SRSF11: variants seen among roughly 807,000 people sequenced by gnomAD.
SRSF11 encodes the protein serine and arginine rich splicing factor 11, also known as serine/arginine-rich splicing factor 11.
A neutral mutation model predicts 56.0 loss-of-function variants in SRSF11; 9 were observed. The observed-to-expected ratio is 0.16, with a 90% CI of 0.10 to 0.28. The LOEUF is 0.28. Among genes scored for constraint, SRSF11 ranks in the 10% least tolerant of loss-of-function variants. The pLI, the probability that SRSF11 is intolerant of heterozygous loss-of-function variation, is 1.00. For missense variants in SRSF11, 421 were observed against 600.7 expected, an observed-to-expected ratio of 0.70 and a Z score of 3.13; for synonymous variants, 222 against 215.3, an observed-to-expected ratio of 1.03 and a Z score of -0.27.
chr1:70,244,535 C>T (rs1289248924), intron 7 of SRSF11, 149 bp from the exon 8 acceptor site: 6 of 809,450 alleles, frequency 7.4e-6, no homozygotes, highest in Admixed American at 6.0e-5. Context: ...GGTGTTTGTT[C>T]TATGGGCTAA....
At chr1:70,244,646 A>G (rs762921162) in intron 7 of SRSF11, 38 bp from the exon 8 acceptor site, 2 of 1,592,076 alleles carry the variant, frequency 1.3e-6, no homozygotes, top group South Asian at 2.2e-5. Context: ...GTCTTTTTAC[A>G]TTTATACACA....
intron 1 of SRSF11, among the ~76,000 whole-genome samples, chr1:70,210,586 G>T (rs963241013): frequency 6.6e-6 from 1 of 152,176 alleles, no homozygotes; most frequent in Non-Finnish European, 1.5e-5. Flanking sequence ...GGTGTGGCAT[G>T]CACCTGTGAT....
At chr1:70,212,990 A>G (rs1262392414) in intron 1 of SRSF11, among the ~76,000 whole-genome samples, 2 of 152,122 alleles carry the variant, frequency 1.3e-5, no homozygotes, top group Admixed American at 6.6e-5. Flanking sequence ...ACTTGAACCC[A>G]TGAGTTTGAG....
At chr1:70,231,188 G>A (rs1672780397) in intron 2 of SRSF11, 1 of 1,285,766 alleles carries the variant, frequency 7.8e-7, no homozygotes, top group South Asian at 1.2e-5. Context: ...TTTCTCTTAA[G>A]TGCCCTGTAC....
Position 70,250,475 on chromosome 1 carries a change from G to A in SRSF11, c.1229G>A (p.Arg410Lys), listed in dbSNP as rs767597115. 4.4e-6 allele frequency: 7 copies of A among 1,605,472 alleles called. No individual in the cohort carries two copies. The highest frequency in any genetic ancestry group is 4.3e-6 in the Non-Finnish European group (5 of 1,172,676). The stretch of plus-strand genomic sequence containing the variant: ...AAAGATAAGGAAAAGGACCGGGAAA[G>A]AAAATCAGAGAGTGATAAAGATGTA... ...KSKDKEKDRERKSESDKDVKQ... is the reference protein window; with the variant it reads ...KSKDKEKDREKKSESDKDVKQ... Residue 410 changes from arginine (R) to lysine (K), a missense_variant, in exon 11 of 12, where the codon AGA becomes AAA. Around this residue, in one of 2 missense-constraint regions of SRSF11, gnomAD observed 253 missense variants for 305.8 expected, o/e 0.83. Coordinates refer to ENST00000370949, the MANE Select transcript of SRSF11 (RefSeq NM_001350605.2).
rs1295519107 is a variant in SRSF11 at position 70,251,814 on chromosome 1, G to T, written c.*1009G>T. On this transcript the variant is annotated 3_prime_UTR_variant, in exon 12 of 12. Coordinates refer to ENST00000370949, the MANE Select transcript of SRSF11 (RefSeq NM_001350605.2). ...AAACCAATAAATTTGTGTTACTGCAGTAGTAATCTTATGCACACGGTGATT... is the reference window on the plus strand; with the variant it reads ...AAACCAATAAATTTGTGTTACTGCATTAGTAATCTTATGCACACGGTGATT... 6.6e-6 allele frequency: 1 copy of T among 152,528 alleles called. No individual in the cohort carries two copies. Among genetic ancestry groups the T allele is most frequent in the Non-Finnish European group, 1.5e-5 (1 of 67,990 alleles). 9.4% of individuals were successfully genotyped at this position (152,528 alleles called of 1,614,324 possible). A position where few individuals can be genotyped will look rare whatever the true frequency, so the allele number is the denominator to read the frequency against.
intron 1 of SRSF11, among the ~76,000 whole-genome samples, chr1:70,222,185 G>C (rs538376691): frequency 1.1e-3 from 162 of 152,190 alleles, no homozygotes; most frequent in African/African-American, 3.7e-3. Context: ...AAAAAACTGA[G>C]TATTTGTTCT....
In SRSF11 at chr1:70,235,657, A is replaced by G. The variant is rs1673814775; in HGVS notation, c.590+107A>G. On this transcript the variant is annotated intron_variant, in intron 5 of 11. Coordinates refer to ENST00000370949, the MANE Select transcript of SRSF11 (RefSeq NM_001350605.2). ...AAAGTTATCAAGTTATCTTTTCTCA[A>G]GACAAGCAATATGTATTGTTACCTA... is the stretch of plus-strand genomic sequence containing the variant. 7 of 1,095,198 alleles carry G rather than the reference A, an allele frequency of 6.4e-6. 1 individual carries two copies. The South Asian group carries it at 1.1e-4, about 17-fold the overall frequency. The allele number at this position is 1,095,198 out of a possible 1,614,324, so 67.8% of individuals were successfully genotyped here. A position where few individuals can be genotyped will look rare whatever the true frequency, so the allele number is the denominator to read the frequency against.
intron 10 of SRSF11, 130 bp from the exon 11 acceptor site, chr1:70,250,235 G>A: frequency 6.9e-7 from 1 of 1,446,072 alleles, no homozygotes; most frequent in Non-Finnish European, 9.3e-7. Context: ...AGTTAGTTTT[G>A]TAGCCTGTGT....
intron 1 of SRSF11, among the ~76,000 whole-genome samples, chr1:70,227,027 G>A (rs1671935613): frequency 6.6e-6 from 1 of 152,104 alleles, no homozygotes; most frequent in South Asian, 2.1e-4. Context: ...CTTGGGTTAG[G>A]GTCTGTGTTT....
chr1:70,220,588 G>T (rs544607140), upstream of SRSF11, among the ~76,000 whole-genome samples: 217 of 152,276 alleles, frequency 1.4e-3, no homozygotes, highest in African/African-American at 5.1e-3. Flanking sequence ...TGGCTCACGC[G>T]CCTGTAATCC....
intron 2 of SRSF11, chr1:70,231,777 C>T: frequency 7.7e-7 from 1 of 1,292,090 alleles, no homozygotes; most frequent in Non-Finnish European, 1.0e-6. Flanking sequence ...AAAAGAAAAT[C>T]ATAGTAACTG....
chr1:70,210,448 C>T (rs1341924968), intron 1 of SRSF11, among the ~76,000 whole-genome samples: 1 of 152,172 alleles, frequency 6.6e-6, no homozygotes, highest in Non-Finnish European at 1.5e-5. Context: ...TACGGTGGCT[C>T]ATGCCTATAA....
chr1:70,213,626 G>T (rs1669758700), intron 1 of SRSF11, among the ~76,000 whole-genome samples: 1 of 152,084 alleles, frequency 6.6e-6, no homozygotes, highest in African/African-American at 2.4e-5. Context: ...TTATATGATA[G>T]ACAAGTTGCT....
chr1:70,239,123 A>T (rs72678618), intron 6 of SRSF11, among the ~76,000 whole-genome samples: 2,012 of 152,102 alleles, frequency 0.013, 25 homozygotes, highest in Non-Finnish European at 0.018. Context: ...GAGGGGTCTC[A>T]CTCTGTTGCC....
intron 8 of SRSF11, among the ~76,000 whole-genome samples, chr1:70,246,333 A>G (rs1289705776): frequency 1.3e-5 from 2 of 152,144 alleles, no homozygotes; most frequent in African/African-American, 4.8e-5. Context: ...TGAATAGTTC[A>G]TAATAGCCGC....
chr1:70,234,633 A>T, intron 3 of SRSF11, 63 bp from the exon 4 acceptor site: 1 of 1,360,040 alleles, frequency 7.4e-7, no homozygotes, highest in Non-Finnish European at 1.0e-6. Flanking sequence ...TTAAAAAAGT[A>T]TTAACCCCTG....
upstream of SRSF11, among the ~76,000 whole-genome samples, chr1:70,217,043 G>C (rs556670808): frequency 3.9e-5 from 6 of 152,246 alleles, no homozygotes; most frequent in East Asian, 1.2e-3. Context: ...CTTCCTTTTA[G>C]TAAGGTCTCA....
rs997626556 is a variant in SRSF11, at chr1:70,221,483, A to G, written c.-154A>G. Reference sequence around the variant, plus strand: ...CCGCGGCGTGCGGCGGGGCGGAGAAACGGCGGCGGCGGCGGCGGCATCGGC... The same window carrying G: ...CCGCGGCGTGCGGCGGGGCGGAGAAGCGGCGGCGGCGGCGGCGGCATCGGC... On this transcript the variant is annotated 5_prime_UTR_variant, in exon 1 of 12. Coordinates refer to ENST00000370949, the MANE Select transcript of SRSF11 (RefSeq NM_001350605.2). The G allele has an allele frequency of 4.4e-6, 5 of 1,126,332 alleles. No individual in the cohort carries two copies. Among genetic ancestry groups the G allele is most frequent in the South Asian group, 1.6e-5 (1 of 61,194 alleles). The allele number at this position is 1,126,332 out of a possible 1,614,324, so 69.8% of individuals were successfully genotyped here. A position where few individuals can be genotyped will look rare whatever the true frequency, so the allele number is the denominator to read the frequency against.
Sources: gnomAD v4.1 joint callset for allele counts (sites outside exome capture counted in the v4.1 genomes callset) on GRCh38, gnomAD v4.1.1 for gene constraint, gnomAD v4.1.1 regional missense constraint, MANE v1.5 for transcripts, NCBI Gene and HGNC (gene_info 2026-07-23, HGNC 2026-07-21) for gene names.